Variants in SYT9 observed in about 807,000 individuals in gnomAD.
SYT9 encodes synaptotagmin-9.
SYT9 carries 22 observed loss-of-function variants against 48.4 expected under a neutral mutation model. The observed-to-expected ratio is 0.45, with a 90% CI of 0.32 to 0.65. The LOEUF (loss-of-function observed/expected upper bound fraction) is 0.65, where lower values mean the gene tolerates loss of function less well. Ranked by LOEUF, SYT9 falls within the 30% of genes least tolerant of loss-of-function variation. The pLI, the probability that SYT9 is intolerant of heterozygous loss-of-function variation, is 0.03. For missense variants in SYT9, 577 were observed against 622.0 expected (o/e 0.93, Z 0.77); for synonymous variants, 265 against 245.0 (o/e 1.08, Z -0.76).
chr11:7,278,564 T>A (rs567354282), intron 1 of SYT9, among the ~76,000 whole-genome samples: 192 of 152,298 alleles, frequency 1.3e-3, no homozygotes, highest in Middle Eastern at 3.4e-3. Flanking sequence ...GAGCAGTAAC[T>A]CTGGTACCTG....
intron 1 of SYT9, among the ~76,000 whole-genome samples, chr11:7,271,035 T>C (rs1455209134): frequency 6.6e-6 from 1 of 152,110 alleles, no homozygotes; most frequent in Admixed American, 6.5e-5. Flanking sequence ...TAAAGGAATC[T>C]GAAGCATAAT....
intron 1 of SYT9, among the ~76,000 whole-genome samples, chr11:7,243,500 C>A (rs956657792): frequency 6.6e-6 from 1 of 152,190 alleles, no homozygotes; most frequent in Non-Finnish European, 1.5e-5. Context: ...CTTCTTACTT[C>A]CTTCCTCTCT....
chr11:7,243,146 T>C (rs1817663), intron 1 of SYT9, among the ~76,000 whole-genome samples: 1 of 151,900 alleles, frequency 6.6e-6, no homozygotes, highest in South Asian at 2.1e-4. Flanking sequence ...AAAATATATA[T>C]AGAGAAAAAA....
intron 3 of SYT9, among the ~76,000 whole-genome samples, chr11:7,363,544 T>C (rs752878184): frequency 3.9e-5 from 6 of 152,138 alleles, no homozygotes; most frequent in Non-Finnish European, 7.4e-5. Flanking sequence ...TAAAGATAAA[T>C]CTTTACATTG....
At chr11:7,459,002 A>G (rs1199380694) in intron 6 of SYT9, among the ~76,000 whole-genome samples, 2 of 152,246 alleles carry the variant, frequency 1.3e-5, no homozygotes, top group African/African-American at 4.8e-5. Context: ...CTAGATGGCA[A>G]TAACAGAGGC....
chr11:7,422,630 CAG>C (rs1319836928), intron 6 of SYT9, among the ~76,000 whole-genome samples: 2 of 152,172 alleles, frequency 1.3e-5, no homozygotes, highest in African/African-American at 2.4e-5. Flanking sequence ...TTAGGAGTAT[CAG>C]AGAGTGTTAA....
At chr11:7,380,211 G>A (rs897207154) in intron 3 of SYT9, among the ~76,000 whole-genome samples, 2 of 151,900 alleles carry the variant, frequency 1.3e-5, no homozygotes, top group Admixed American at 1.3e-4. Flanking sequence ...AACATCATAT[G>A]TTCTTATTTG....
At position 7,360,568 on chromosome 11, in the gene SYT9, G is replaced by A. The variant is rs112906541; in HGVS notation, c.1044+46627G>A. Reference sequence around the variant, plus strand: ...AGTTCTCCTTGAAGAGGTCCTTCACGTCCCTTGTAAGGTGGATTCCTAGGT... The same window carrying A: ...AGTTCTCCTTGAAGAGGTCCTTCACATCCCTTGTAAGGTGGATTCCTAGGT... On this transcript the variant is annotated intron_variant, in intron 3 of 6. Coordinates refer to ENST00000318881, the MANE Select transcript of SYT9 (RefSeq NM_175733.4). 6.5e-3 allele frequency among the ~76,000 whole-genome samples: 985 copies of A among 151,986 alleles called. 10 individuals carry two copies. Among genetic ancestry groups the A allele is most frequent in the African/African-American group, 0.022 (921 of 41,460 alleles).
chr11:7,329,294 C>A (rs1849488031), intron 3 of SYT9, among the ~76,000 whole-genome samples: 1 of 152,150 alleles, frequency 6.6e-6, no homozygotes, highest in Non-Finnish European at 1.5e-5. Flanking sequence ...CTTTCTTTAG[C>A]AGTTTCCAAT....
chr11:7,443,827 T>C (rs546711747), intron 6 of SYT9, among the ~76,000 whole-genome samples: 2 of 152,352 alleles, frequency 1.3e-5, no homozygotes, highest in Admixed American at 1.3e-4. Flanking sequence ...TCCATAATTC[T>C]GTGACGGTTG....
chr11:7,337,937 C>T (rs958489253), intron 3 of SYT9, among the ~76,000 whole-genome samples: 7 of 152,258 alleles, frequency 4.6e-5, no homozygotes, highest in African/African-American at 1.7e-4. Context: ...GTAGGAATTG[C>T]ACCAGCTCTT....
chr11:7,460,936 C>G (rs964250583), intron 6 of SYT9, among the ~76,000 whole-genome samples: 4 of 152,080 alleles, frequency 2.6e-5, no homozygotes, highest in Non-Finnish European at 4.4e-5. Context: ...AGATTTGAGT[C>G]CCAAATTGCA....
intron 3 of SYT9, among the ~76,000 whole-genome samples, chr11:7,403,084 G>GC (rs57590974): frequency 0.014 from 2,185 of 152,100 alleles, 46 homozygotes; most frequent in African/African-American, 0.049. Flanking sequence ...TAGAACAGAA[G>GC]CTGAGGTTAT....
upstream of SYT9, among the ~76,000 whole-genome samples, chr11:7,251,123 CA>C (rs1564835902): frequency 1.7e-4 from 25 of 150,228 alleles, no homozygotes; most frequent in South Asian, 2.1e-4. Context: ...CACACACACA[CA>C]CACACACACC....
At chr11:7,240,696 T>A (rs1432361945) in intron 1 of SYT9, among the ~76,000 whole-genome samples, 3 of 152,202 alleles carry the variant, frequency 2.0e-5, no homozygotes, top group Non-Finnish European at 2.9e-5. Context: ...ATAATGAGCT[T>A]TTTTATATCT....
intron 6 of SYT9, among the ~76,000 whole-genome samples, chr11:7,458,490 T>TA (rs945221013): frequency 8.6e-5 from 13 of 151,876 alleles, no homozygotes; most frequent in African/African-American, 2.7e-4. Context: ...TCAAAAAAAT[T>TA]AATTAATTAA....
rs555243494 is a variant in SYT9 at position 7,468,265 on chromosome 11, C to A, written c.*1465C>A. 4 of 398,494 alleles carry A rather than the reference C, an allele frequency of 1.0e-5. No individual in the cohort carries two copies. The highest frequency in any genetic ancestry group is 4.4e-5 in the Admixed American group (1 of 22,720). 24.7% of individuals were successfully genotyped at this position (398,494 alleles called of 1,614,324 possible). On this transcript the variant is annotated 3_prime_UTR_variant, in exon 7 of 7. Transcript: ENST00000318881. Reference sequence around the variant, plus strand: ...ACTGGGCGGAGGAAGGATCGTTATACGTCTTCAGAAAGTTCTCATTGCCCC... The same window carrying A: ...ACTGGGCGGAGGAAGGATCGTTATAAGTCTTCAGAAAGTTCTCATTGCCCC...
intron 3 of SYT9, among the ~76,000 whole-genome samples, chr11:7,415,711 G>T (rs55719862): frequency 0.021 from 3,182 of 152,236 alleles, 53 homozygotes; most frequent in Non-Finnish European, 0.034. Flanking sequence ...TTAAGGCTGT[G>T]AGACTTATGC....
intron 3 of SYT9, among the ~76,000 whole-genome samples, chr11:7,391,347 G>A (rs1265965547): frequency 1.3e-5 from 2 of 152,064 alleles, no homozygotes; most frequent in African/African-American, 4.8e-5. Flanking sequence ...AGGTCAGATG[G>A]TAGTTCTATT....
Sources: allele counts gnomAD v4.1 joint callset (sites outside exome capture counted in the v4.1 genomes callset), GRCh38; gene constraint gnomAD v4.1.1; transcripts MANE v1.5; gene names NCBI Gene and HGNC (gene_info 2026-07-23, HGNC 2026-07-21).